The following ATP8A2 variants were observed in gnomAD, a reference collection of about 807,000 sequenced individuals.
The protein encoded by ATP8A2 is phospholipid-transporting ATPase IB.
ATP8A2 carries 100 observed loss-of-function variants against 165.6 expected under a neutral mutation model. That is an observed-to-expected ratio of 0.60 (90% CI 0.51 to 0.71). The LOEUF (loss-of-function observed/expected upper bound fraction) is 0.71, where lower values mean the gene tolerates loss of function less well. Among genes scored for constraint, ATP8A2 ranks in the 30% least tolerant of loss-of-function variants. The probability of loss-of-function intolerance (pLI) is 0.00; values close to 1 mark genes in which losing one functional copy is unlikely to be tolerated. For missense variants in ATP8A2, 1,227 were observed against 1,479.5 expected, an observed-to-expected ratio of 0.83 and a Z score of 2.80; for synonymous variants, 543 against 548.8, an observed-to-expected ratio of 0.99 and a Z score of 0.15.
intron 24 of ATP8A2, among the ~76,000 whole-genome samples, chr13:25,626,187 C>T (rs2041095433): frequency 6.6e-6 from 1 of 152,144 alleles, no homozygotes; most frequent in Admixed American, 6.6e-5. Flanking sequence ...TAGAAGATTC[C>T]TTCCTGTCTT....
chr13:25,963,150 C>A (rs1955695543), intron 34 of ATP8A2, among the ~76,000 whole-genome samples: 1 of 151,988 alleles, frequency 6.6e-6, no homozygotes, highest in African/African-American at 2.4e-5. Flanking sequence ...AATCTCAACA[C>A]TTTGGGAGGC....
At chr13:25,381,791 G>C (rs918422457) in intron 1 of ATP8A2, among the ~76,000 whole-genome samples, 1 of 152,158 alleles carries the variant, frequency 6.6e-6, no homozygotes, top group African/African-American at 2.4e-5. Context: ...CCCAGGGTAG[G>C]AGAGCTAGTC....
chr13:25,559,694 C>T, intron 14 of ATP8A2, 27 bp from the exon 15 acceptor site: 1 of 1,594,140 alleles, frequency 6.3e-7, no homozygotes, highest in South Asian at 1.1e-5. Flanking sequence ...AGTTTTGTGA[C>T]CACTCTGTTT....
At chr13:25,784,337 C>G (rs4141623) in intron 27 of ATP8A2, among the ~76,000 whole-genome samples, 1 of 151,900 alleles carries the variant, frequency 6.6e-6, no homozygotes, top group African/African-American at 2.4e-5. Context: ...CTTCGTAGCC[C>G]GGGTGCACTC....
chr13:25,710,807 G>A (rs563384889), intron 25 of ATP8A2, among the ~76,000 whole-genome samples: 1 of 128,862 alleles, frequency 7.8e-6, no homozygotes, highest in East Asian at 2.0e-4. Flanking sequence ...TAAACTCCAA[G>A]GGATGAGTGT....
intron 2 of ATP8A2, among the ~76,000 whole-genome samples, chr13:25,495,563 C>T (rs1353953291): frequency 6.6e-6 from 1 of 151,706 alleles, no homozygotes; most frequent in African/African-American, 2.4e-5. Context: ...GGCTTCAAGC[C>T]CTCCTCCTGC....
chr13:25,888,138 A>C lies in ATP8A2; in HGVS notation c.3183+25730A>C, dbSNP rs144388246. On this transcript the variant is annotated intron_variant, in intron 33 of 36. Transcript: ENST00000381655. Reference sequence around the variant, plus strand: ...CGAATAAACAGCCTTCTGCTTAACAAGGGTAGCACAGCACAGGCCAGCTAG... The same window carrying C: ...CGAATAAACAGCCTTCTGCTTAACACGGGTAGCACAGCACAGGCCAGCTAG... Among the ~76,000 whole-genome samples, 67 of 146,204 alleles carry C rather than the reference A, an allele frequency of 4.6e-4. 1 individual carries two copies. The East Asian group carries it at 0.01, about 23-fold the overall frequency.
At chr13:25,960,575 TC>T (rs1379492199) in intron 33 of ATP8A2, among the ~76,000 whole-genome samples, 1 of 152,116 alleles carries the variant, frequency 6.6e-6, no homozygotes, top group East Asian at 1.9e-4. Flanking sequence ...TGAGTCCCTT[TC>T]TCAGGTGGCC....
chr13:25,680,581 G>T (rs1269846898), intron 24 of ATP8A2, among the ~76,000 whole-genome samples: 3 of 152,178 alleles, frequency 2.0e-5, no homozygotes, highest in Non-Finnish European at 4.4e-5. Context: ...TGGAGACCAG[G>T]GTGGTAGAAT....
At chr13:25,669,472 A>G (rs2042220268) in intron 24 of ATP8A2, among the ~76,000 whole-genome samples, 2 of 152,240 alleles carry the variant, frequency 1.3e-5, no homozygotes, top group African/African-American at 4.8e-5. Flanking sequence ...CAGGTCACCC[A>G]TGACTCTGCC....
intron 2 of ATP8A2, among the ~76,000 whole-genome samples, chr13:25,486,893 G>C (rs909821285): frequency 6.6e-6 from 1 of 152,290 alleles, no homozygotes; most frequent in East Asian, 1.9e-4. Context: ...TTGAGCCTGG[G>C]GGGTGGAGGT....
chr13:25,479,947 C>T (rs1341610972), intron 2 of ATP8A2, among the ~76,000 whole-genome samples: 6 of 152,160 alleles, frequency 3.9e-5, no homozygotes, highest in South Asian at 2.1e-4. Flanking sequence ...CACCTTTCCC[C>T]GCTTTCTATT....
chr13:25,606,031 G>C (rs1242042685), intron 24 of ATP8A2, among the ~76,000 whole-genome samples: 5 of 152,114 alleles, frequency 3.3e-5, no homozygotes, highest in Non-Finnish European at 5.9e-5. Flanking sequence ...ATTTACTAGG[G>C]AATGAAAAGA....
intron 30 of ATP8A2, among the ~76,000 whole-genome samples, chr13:25,840,263 A>G (rs547779205): frequency 3.7e-4 from 56 of 152,314 alleles, no homozygotes; most frequent in African/African-American, 1.3e-3. Context: ...CAAATGTATC[A>G]TGAGAATGCT....
chr13:25,597,397 A>G (rs1593613855), intron 24 of ATP8A2, among the ~76,000 whole-genome samples: 1 of 152,226 alleles, frequency 6.6e-6, no homozygotes, highest in South Asian at 2.1e-4. Flanking sequence ...CTTGCATGAT[A>G]TAAGAGTCCA....
At chr13:25,845,965 C>T (rs531771036) in intron 30 of ATP8A2, among the ~76,000 whole-genome samples, 26 of 152,288 alleles carry the variant, frequency 1.7e-4, no homozygotes, top group African/African-American at 5.5e-4. Context: ...CACCTGAGGT[C>T]AGGAGTTCAA....
At chr13:25,908,954 T>C (rs1954029265) in intron 33 of ATP8A2, among the ~76,000 whole-genome samples, 1 of 152,178 alleles carries the variant, frequency 6.6e-6, no homozygotes, top group Admixed American at 6.5e-5. Flanking sequence ...GCAAACAACC[T>C]TAAGGAATAT....
chr13:26,005,608 C>T (rs2139335459), intron 35 of ATP8A2, among the ~76,000 whole-genome samples: 1 of 152,098 alleles, frequency 6.6e-6, no homozygotes, highest in East Asian at 1.9e-4. Context: ...TTTGCTGCAA[C>T]CCATAAATTT....
chr13:25,381,990 C>G (rs1366316056), intron 1 of ATP8A2, among the ~76,000 whole-genome samples: 1 of 152,164 alleles, frequency 6.6e-6, no homozygotes, highest in Admixed American at 6.5e-5. Context: ...CACTGTGTCA[C>G]ACCGTGACAA....
Sources: gnomAD v4.1 joint callset for allele counts (sites outside exome capture counted in the v4.1 genomes callset) on GRCh38, gnomAD v4.1.1 for gene constraint, MANE v1.5 for transcripts, NCBI Gene and HGNC (gene_info 2026-07-23, HGNC 2026-07-21) for gene names.